The following MLPH variants were observed in gnomAD, a reference collection of about 807,000 sequenced individuals.
MLPH encodes exophilin-3.
A neutral mutation model predicts 72.1 loss-of-function variants in MLPH; 51 were observed. That is an observed-to-expected ratio of 0.71 (90% CI 0.56 to 0.89). The LOEUF (loss-of-function observed/expected upper bound fraction) is 0.89. MLPH is among the 40% of genes least tolerant of loss of function. MLPH has a pLI of 0.00. For synonymous variants in MLPH, 301 were observed against 310.1 expected (o/e 0.97, Z 0.31); for missense variants, 743 against 759.9 (o/e 0.98, Z 0.26).
At position 237,505,576 on chromosome 2, in the gene MLPH, C is replaced by T. The variant is rs942173550; in HGVS notation, c.111-4998C>T. On this transcript the variant is annotated intron_variant, in intron 2 of 15. Transcript: ENST00000264605. The surrounding 1 kb of genome is among the most constrained non-coding windows in gnomAD (Gnocchi z 4.5). Reference sequence around the variant, plus strand: ...CACCAGCCCCGCCATCCTGGGCTCTCCCCAGTATTCCTGCATGTTGCCACC... The same window carrying T: ...CACCAGCCCCGCCATCCTGGGCTCTTCCCAGTATTCCTGCATGTTGCCACC... Among the ~76,000 whole-genome samples, 3 of 152,194 alleles carry T rather than the reference C, an allele frequency of 2.0e-5. No homozygotes were observed. Among genetic ancestry groups the T allele is most frequent in the African/African-American group, 7.2e-5 (3 of 41,448 alleles).
intron 10 of MLPH, 39 bp downstream of exon 10, chr2:237,540,572 G>A (rs1449682972): frequency 6.3e-7 from 1 of 1,590,936 alleles, no homozygotes; most frequent in Non-Finnish European, 8.5e-7. Flanking sequence ...GGACCCTGCA[G>A]AGGTAGGGGC....
chr2:237,516,168 G>A (rs887741902), intron 4 of MLPH, among the ~76,000 whole-genome samples: 4 of 152,238 alleles, frequency 2.6e-5, no homozygotes, highest in Non-Finnish European at 4.4e-5. Context: ...CAGAGGATCT[G>A]ACCTCCACAG....
At chr2:237,519,131 AT>A (rs966183341) in intron 5 of MLPH, among the ~76,000 whole-genome samples, 2 of 149,716 alleles carry the variant, frequency 1.3e-5, no homozygotes, top group Admixed American at 6.6e-5. Context: ...GTTTTCACGT[AT>A]TGTTTAACTT....
Position 237,553,770 on chromosome 2 carries a change from A to G in MLPH, c.*178A>G, listed in dbSNP as rs2081084113. On this transcript the variant is annotated 3_prime_UTR_variant, in exon 16 of 16. Coordinates refer to ENST00000264605, the MANE Select transcript of MLPH (RefSeq NM_024101.7). ...AGTGGACAGCGACATTCAGTCCTGCACTGCTCACCTGGGTTTACTGATGAC... is the reference window on the plus strand; with the variant it reads ...AGTGGACAGCGACATTCAGTCCTGCGCTGCTCACCTGGGTTTACTGATGAC... 1.2e-6 allele frequency: 1 copy of G among 865,802 alleles called. No homozygotes were observed. Among genetic ancestry groups the G allele is most frequent in the East Asian group, 2.4e-5 (1 of 41,088 alleles). The allele number at this position is 865,802 out of a possible 1,614,324, so 53.6% of individuals were successfully genotyped here. A position where few individuals can be genotyped will look rare whatever the true frequency, so the allele number is the denominator to read the frequency against.
intron 4 of MLPH, chr2:237,518,324 T>C (rs926755096): frequency 1.6e-6 from 1 of 644,246 alleles, no homozygotes; most frequent in Non-Finnish European, 2.8e-6. Context: ...GGTAGGTGAA[T>C]AGATGAATAG....
chr2:237,536,321 G>A (rs2080531028), intron 9 of MLPH, among the ~76,000 whole-genome samples: 1 of 152,190 alleles, frequency 6.6e-6, no homozygotes. Context: ...ATAAGGGGAT[G>A]AGTTACTGTG....
At chr2:237,513,444 G>A (rs1183578065) in intron 4 of MLPH, among the ~76,000 whole-genome samples, 4 of 152,326 alleles carry the variant, frequency 2.6e-5, no homozygotes, top group East Asian at 3.9e-4. Context: ...CTCGCCTGAC[G>A]TCAACACTAG....
In MLPH at chr2:237,545,587, G is replaced by A. The variant is rs1385226285; in HGVS notation, c.1540-1019G>A. 3 of 1,287,548 alleles carry A rather than the reference G, an allele frequency of 2.3e-6. No individual in the cohort carries two copies. In the East Asian group the frequency reaches 1.7e-4, roughly 71 times the overall value. The allele number at this position is 1,287,548 out of a possible 1,614,324, so 79.8% of individuals were successfully genotyped here. A position where few individuals can be genotyped will look rare whatever the true frequency, so the allele number is the denominator to read the frequency against. On this transcript the variant is annotated intron_variant, in intron 12 of 15. Coordinates refer to ENST00000264605, the MANE Select transcript of MLPH (RefSeq NM_024101.7). ...GGAAATCCTTAGTCCGCCGCCACGTGAAGATGGATGTGACTAGAACGGAGG... is the reference window on the plus strand; with the variant it reads ...GGAAATCCTTAGTCCGCCGCCACGTAAAGATGGATGTGACTAGAACGGAGG...
intron 4 of MLPH, among the ~76,000 whole-genome samples, chr2:237,516,470 G>C (rs1223850823): frequency 6.6e-6 from 1 of 152,218 alleles, no homozygotes; most frequent in Non-Finnish European, 1.5e-5. Flanking sequence ...ACCAGCAAAT[G>C]CTATGAGCCT....
Position 237,540,468 on chromosome 2 carries a change from A to C in MLPH, c.1225A>C (p.Lys409Gln). 1 of 1,613,334 alleles carries C rather than the reference A, an allele frequency of 6.2e-7. No homozygotes were observed. The highest frequency in any genetic ancestry group is 1.1e-5 in the South Asian group (1 of 91,054). The change falls in exon 10 of 16, where the codon AAG becomes CAG. Residue 409 changes from lysine (K) to glutamine (Q), a missense_variant. Coordinates refer to ENST00000264605, the MANE Select transcript of MLPH (RefSeq NM_024101.7). ...GACCTCGTCCGAGGAGGAGGAAGCC[A>C]AGGACGAAAAGGCAGAGCCCAACAG... Reference protein sequence around the residue: ...QETSSEEEEAKDEKAEPNRDK... With the variant: ...QETSSEEEEAQDEKAEPNRDK...
chr2:237,495,454 A>T (rs941850937), intron 2 of MLPH, among the ~76,000 whole-genome samples: 2 of 152,172 alleles, frequency 1.3e-5, no homozygotes, highest in South Asian at 4.1e-4. Context: ...TTGGATGGGG[A>T]CCAGCCCCGG....
Position 237,553,599 on chromosome 2 carries a change from A to G in MLPH, c.*7A>G, listed in dbSNP as rs1343174710. On this transcript the variant is annotated 3_prime_UTR_variant, in exon 16 of 16. Transcript: ENST00000264605. ...GGTGGCCCACCAGTCCTAACGGGAC[A>G]GGACAGAGAGACAGAGCAGCCCTGC... is the stretch of plus-strand genomic sequence containing the variant. 3 of 1,614,246 alleles carry G rather than the reference A, an allele frequency of 1.9e-6. No homozygotes were observed. In the Admixed American group the frequency reaches 5.0e-5, roughly 27 times the overall value.
intron 8 of MLPH, among the ~76,000 whole-genome samples, chr2:237,529,560 T>C (rs1472958239): frequency 6.6e-6 from 1 of 152,204 alleles, no homozygotes; most frequent in Admixed American, 6.5e-5. Context: ...AAAGGCAATA[T>C]TGTTTCTTCT....
At chr2:237,529,879 G>A (rs181155519) in intron 8 of MLPH, among the ~76,000 whole-genome samples, 57 of 152,358 alleles carry the variant, frequency 3.7e-4, no homozygotes, top group Non-Finnish European at 7.8e-4. Flanking sequence ...GCTGGGGAAG[G>A]GAATGCCCTG....
intron 7 of MLPH, among the ~76,000 whole-genome samples, chr2:237,526,310 G>A (rs1038436423): frequency 3.3e-5 from 5 of 152,280 alleles, no homozygotes; most frequent in Admixed American, 2.0e-4. Flanking sequence ...AAGGGTGTAT[G>A]TACCATGGGT....
upstream of MLPH, chr2:237,487,241 G>C (rs1421944767): frequency 2.0e-5 from 3 of 152,274 alleles, no homozygotes; most frequent in Non-Finnish European, 2.9e-5. Flanking sequence ...GGAGGCGCCG[G>C]GACGTGGCCA....
chr2:237,510,357 C>A lies in MLPH; in HGVS notation c.111-217C>A, dbSNP rs1002369426. ...GAAATTAACGTGTTTCCATTCCATTCCAGCCACCAAAATTGCCCGTTTGAG... is the reference window on the plus strand; with the variant it reads ...GAAATTAACGTGTTTCCATTCCATTACAGCCACCAAAATTGCCCGTTTGAG... On this transcript the variant is annotated intron_variant, in intron 2 of 15. Coordinates refer to ENST00000264605, the MANE Select transcript of MLPH (RefSeq NM_024101.7). This position sits in a 1 kb window ranked among gnomAD's most constrained non-coding sequence, Gnocchi z 4.4. 4.8e-6 allele frequency: 3 copies of A among 623,112 alleles called. No homozygotes were observed. The highest frequency in any genetic ancestry group is 8.8e-6 in the Non-Finnish European group (3 of 342,722). The allele number at this position is 623,112 out of a possible 1,614,324, so 38.6% of individuals were successfully genotyped here.
At chr2:237,523,273 A>G (rs1234114567) in intron 6 of MLPH, among the ~76,000 whole-genome samples, 1 of 152,200 alleles carries the variant, frequency 6.6e-6, no homozygotes, top group Admixed American at 6.5e-5. Flanking sequence ...AGATGTTTTT[A>G]TGTAATTTGG....
intron 9 of MLPH, 119 bp from the exon 10 acceptor site, chr2:237,540,229 G>A (rs1257444319): frequency 1.8e-6 from 2 of 1,129,618 alleles, no homozygotes; most frequent in East Asian, 2.6e-5. Context: ...AAGGGAGGCA[G>A]CTGAGCTCAG....
Sources: allele counts gnomAD v4.1 joint callset (sites outside exome capture counted in the v4.1 genomes callset), GRCh38; gene constraint gnomAD v4.1.1; non-coding constraint Gnocchi (gnomAD v3.1); transcripts MANE v1.5; gene names NCBI Gene and HGNC (gene_info 2026-07-23, HGNC 2026-07-21).